SND1: variants seen among roughly 807,000 people sequenced by gnomAD.
The protein encoded by SND1 is staphylococcal nuclease domain-containing protein 1.
A neutral mutation model predicts 121.7 loss-of-function variants in SND1; 38 were observed. The observed-to-expected ratio is 0.31, with a 90% CI of 0.24 to 0.41. The LOEUF is 0.41. Ranked by LOEUF, SND1 falls within the 10% of genes least tolerant of loss-of-function variation. SND1 has a pLI of 1.00. For missense variants in SND1, 868 were observed against 1,184.6 expected (o/e 0.73, Z 3.92); for synonymous variants, 401 against 447.4 (o/e 0.90, Z 1.31).
intron 10 of SND1, among the ~76,000 whole-genome samples, chr7:127,723,561 C>T (rs1226505453): frequency 1.3e-5 from 2 of 152,036 alleles, no homozygotes; most frequent in Non-Finnish European, 1.5e-5. Context: ...TGAAGGGCCA[C>T]GTAAGAAATA....
At chr7:127,734,935 C>A (rs1268843654) in intron 10 of SND1, among the ~76,000 whole-genome samples, 1 of 152,098 alleles carries the variant, frequency 6.6e-6, no homozygotes, top group Non-Finnish European at 1.5e-5. Context: ...CCAGACAGAC[C>A]AGAATATTTT....
chr7:127,741,486 A>G (rs969264054), intron 10 of SND1, among the ~76,000 whole-genome samples: 3 of 152,154 alleles, frequency 2.0e-5, no homozygotes, highest in African/African-American at 7.2e-5. Flanking sequence ...CAACTAAAAT[A>G]ATTAAAGCAA....
chr7:127,722,417 C>CA (rs1440120834), intron 10 of SND1, among the ~76,000 whole-genome samples: 3 of 151,670 alleles, frequency 2.0e-5, no homozygotes, highest in African/African-American at 7.3e-5. Context: ...CTCCTGGGCT[C>CA]AAACAGTCCT....
intron 1 of SND1, among the ~76,000 whole-genome samples, chr7:127,674,787 G>C (rs1269922942): frequency 3.3e-5 from 5 of 152,188 alleles, no homozygotes; most frequent in Non-Finnish European, 7.4e-5. Flanking sequence ...TGGAAGGCTT[G>C]AGCTGGGTTT....
intron 14 of SND1, among the ~76,000 whole-genome samples, chr7:127,928,390 A>G (rs1800892026): frequency 6.6e-6 from 1 of 152,062 alleles, no homozygotes; most frequent in South Asian, 2.1e-4. Flanking sequence ...AAGGCTGGCC[A>G]CTTCTCAAGG....
At chr7:127,711,506 AT>A (rs1796296521) in intron 9 of SND1, among the ~76,000 whole-genome samples, 1 of 151,918 alleles carries the variant, frequency 6.6e-6, no homozygotes, top group African/African-American at 2.4e-5. Flanking sequence ...ATCCTTATAT[AT>A]TTTTTTCTTT....
intron 16 of SND1, chr7:127,999,381 T>A (rs1802761984): frequency 1.6e-5 from 2 of 122,568 alleles, no homozygotes; most frequent in African/African-American, 7.1e-5. Context: ...TTTCTTAATG[T>A]TGTTCCTATC....
chr7:127,798,200 C>G (rs781028052), intron 10 of SND1, among the ~76,000 whole-genome samples: 22 of 152,194 alleles, frequency 1.4e-4, no homozygotes, highest in Middle Eastern at 3.2e-3. Context: ...TACTTCTTCC[C>G]TCTTTGGTCC....
chr7:127,864,172 TCCCCCAC>T (rs1400515231), intron 12 of SND1, among the ~76,000 whole-genome samples: 1 of 144,650 alleles, frequency 6.9e-6, no homozygotes, highest in Admixed American at 6.9e-5. Flanking sequence ...TTCTAAGTCT[TCCCCCAC>T]CCCCCACCCC....
chr7:127,922,395 C>T (rs1031475944), intron 14 of SND1, among the ~76,000 whole-genome samples: 2 of 151,654 alleles, frequency 1.3e-5, no homozygotes, highest in East Asian at 3.9e-4. Context: ...GGTGATTGTC[C>T]GAATGGTGCT....
chr7:127,660,538 G>T (rs1795290778), intron 1 of SND1, among the ~76,000 whole-genome samples: 1 of 152,068 alleles, frequency 6.6e-6, no homozygotes, highest in African/African-American at 2.4e-5. Flanking sequence ...TATCTGAAAC[G>T]CTTGGACTAG....
intron 10 of SND1, among the ~76,000 whole-genome samples, chr7:127,745,927 A>C (rs998688413): frequency 6.6e-6 from 1 of 152,234 alleles, no homozygotes; most frequent in Admixed American, 6.5e-5. Flanking sequence ...CAGAGGCCCT[A>C]ACTTCAGCTG....
intron 15 of SND1, among the ~76,000 whole-genome samples, chr7:127,943,760 G>A (rs1346623666): frequency 3.3e-5 from 5 of 152,182 alleles, no homozygotes; most frequent in Non-Finnish European, 7.3e-5. Context: ...CACCTAGATG[G>A]CACTCGGCAC....
intron 16 of SND1, among the ~76,000 whole-genome samples, chr7:127,994,124 C>G (rs1032970270): frequency 6.6e-6 from 1 of 152,186 alleles, no homozygotes; most frequent in Non-Finnish European, 1.5e-5. Flanking sequence ...GTGGAGCCCT[C>G]AAGCTTTAGA....
intron 14 of SND1, among the ~76,000 whole-genome samples, chr7:127,918,502 A>G (rs547696003): frequency 6.6e-6 from 1 of 152,312 alleles, no homozygotes; most frequent in South Asian, 2.1e-4. Flanking sequence ...TAACTCTTCT[A>G]TTCACCACAA....
At chr7:127,804,636 C>T (rs761605643) in intron 10 of SND1, among the ~76,000 whole-genome samples, 8 of 151,900 alleles carry the variant, frequency 5.3e-5, no homozygotes, top group Non-Finnish European at 7.4e-5. Flanking sequence ...ACAGATGTAG[C>T]GGTGCATGCT....
intron 12 of SND1, chr7:127,857,927 C>T (rs1799311766): frequency 1.5e-6 from 2 of 1,365,720 alleles, no homozygotes; most frequent in East Asian, 2.3e-5. Flanking sequence ...CAGTAAACAC[C>T]ATCAGGAAAG....
chr7:127,997,385 T>C (rs1230732893), intron 16 of SND1: 1 of 281,952 alleles, frequency 3.5e-6, no homozygotes, highest in East Asian at 9.0e-5. Flanking sequence ...TGGATTCTGA[T>C]CCTGAATGCT....
chr7:127,931,977 T>C (rs1189929916), intron 15 of SND1, among the ~76,000 whole-genome samples: 1 of 152,098 alleles, frequency 6.6e-6, no homozygotes, highest in Non-Finnish European at 1.5e-5. Context: ...TCTGAAAGAG[T>C]TGTACAAGAA....
Sources: allele counts gnomAD v4.1 joint callset (sites outside exome capture counted in the v4.1 genomes callset), GRCh38; gene constraint gnomAD v4.1.1; transcripts MANE v1.5; gene names NCBI Gene and HGNC (gene_info 2026-07-23, HGNC 2026-07-21).